Variants in PYGB observed in about 807,000 individuals in gnomAD.
PYGB encodes glycogen phosphorylase B.
A neutral mutation model predicts 94.3 loss-of-function variants in PYGB; 82 were observed. The ratio of observed to expected loss-of-function variants is 0.87; its 90% confidence interval spans 0.73 to 1.04. PYGB has a LOEUF of 1.04. Ranked by LOEUF, PYGB falls within the 50% of genes least tolerant of loss-of-function variation. PYGB has a pLI of 0.00. For missense variants in PYGB, 1,132 were observed against 1,158.2 expected (o/e 0.98, Z 0.33); for synonymous variants, 488 against 479.1 (o/e 1.02, Z -0.24).
intron 12 of PYGB, among the ~76,000 whole-genome samples, chr20:25,282,590 A>G (rs537303522): frequency 8.5e-4 from 130 of 152,382 alleles, no homozygotes; most frequent in African/African-American, 3.0e-3. Context: ...GGCTATGGTC[A>G]GGGAAGCCTT....
Position 25,288,495 on chromosome 20 carries a change from C to T in PYGB, c.1827+12C>T. 4.3e-6 allele frequency: 7 copies of T among 1,613,550 alleles called. No homozygotes were observed. The highest frequency in any genetic ancestry group is 1.3e-5 in the African/African-American group (1 of 75,020). The stretch of plus-strand genomic sequence containing the variant: ...TGATTGGGGGCAAGGTGAGTGACTT[C>T]CTCTGCAGTCCTCTCTGTGGTGTTT... On this transcript the variant is annotated intron_variant, in intron 15 of 19. Coordinates refer to ENST00000216962, the MANE Select transcript of PYGB (RefSeq NM_002862.4).
chr20:25,248,719 C>G (rs1403330691), intron 1 of PYGB, among the ~76,000 whole-genome samples: 2 of 152,272 alleles, frequency 1.3e-5, no homozygotes, highest in African/African-American at 2.4e-5. Flanking sequence ...TTCCCGGTCT[C>G]TTTCTGGCCG....
intron 2 of PYGB, among the ~76,000 whole-genome samples, chr20:25,259,994 C>T (rs1031274810): frequency 3.3e-5 from 5 of 152,088 alleles, no homozygotes; most frequent in African/African-American, 7.2e-5. Context: ...GCCCTGCCAC[C>T]GCCTTTGCTT....
intron 1 of PYGB, among the ~76,000 whole-genome samples, chr20:25,258,718 T>C (rs2092907483): frequency 6.6e-6 from 1 of 152,270 alleles, no homozygotes; most frequent in African/African-American, 2.4e-5. Flanking sequence ...AAGAGACTTC[T>C]GCTGGGGAAC....
At chr20:25,273,522 G>C (rs1282950219) in intron 4 of PYGB, among the ~76,000 whole-genome samples, 1 of 152,254 alleles carries the variant, frequency 6.6e-6, no homozygotes, top group Non-Finnish European at 1.5e-5. Flanking sequence ...TCTCATTTCA[G>C]TTTTAGTAAT....
At chr20:25,270,695 A>G (rs752202133) in intron 3 of PYGB, among the ~76,000 whole-genome samples, 8 of 152,080 alleles carry the variant, frequency 5.3e-5, no homozygotes, top group African/African-American at 1.9e-4. Context: ...GGGTCTCACT[A>G]TGTTGCCCAG....
At chr20:25,262,001 G>A (rs2092914643) in intron 2 of PYGB, among the ~76,000 whole-genome samples, 1 of 152,192 alleles carries the variant, frequency 6.6e-6, no homozygotes, top group Non-Finnish European at 1.5e-5. Context: ...ATCTACGGCT[G>A]ATTGATGTAT....
At chr20:25,248,515 G>C (rs1307173564) in intron 1 of PYGB, 94 bp downstream of exon 1, 8 of 1,242,718 alleles carry the variant, frequency 6.4e-6, no homozygotes, top group Non-Finnish European at 8.1e-6. Context: ...GCGGCCCGTC[G>C]GGCGTTACCT....
At chr20:25,295,214 T>C (rs1414167410) in intron 18 of PYGB, among the ~76,000 whole-genome samples, 2 of 152,236 alleles carry the variant, frequency 1.3e-5, no homozygotes, top group African/African-American at 4.8e-5. Flanking sequence ...AGACGGCAAA[T>C]GGAGATGCCG....
At chr20:25,292,360 C>G (rs372210303) in intron 16 of PYGB, 46 bp from the exon 17 acceptor site, 2 of 1,598,846 alleles carry the variant, frequency 1.3e-6, no homozygotes, top group African/African-American at 2.7e-5. Context: ...CGGCTGAGGA[C>G]ATTGGGGTCC....
intron 15 of PYGB, chr20:25,289,705 G>A: frequency 2.6e-6 from 1 of 386,200 alleles, no homozygotes; most frequent in Admixed American, 3.5e-5. Context: ...AGGAAGAATT[G>A]TAGCAAAACC....
At position 25,292,594 on chromosome 20, in the gene PYGB, G is replaced by A. The variant is rs775297203; in HGVS notation, c.2158G>A (p.Glu720Lys). 1.6e-5 allele frequency: 26 copies of A among 1,612,036 alleles called. No individual in the cohort carries two copies. Among genetic ancestry groups the A allele is most frequent in the African/African-American group, 1.5e-4 (11 of 74,946 alleles). ...FIFGLRVEDVEALDRKGYNAR... is the reference protein window; with the variant it reads ...FIFGLRVEDVKALDRKGYNAR... ...CTTCGGCCTGCGGGTGGAGGATGTC[G>A]AGGCCTTGGACCGGAAAGGGTGCGA... The change falls in exon 17 of 20, where the codon GAG (glutamate) becomes AAG (lysine). Residue 720 changes from glutamate to lysine, a missense_variant. By Grantham distance (56) the Glu-to-Lys change is moderately conservative. Transcript: ENST00000216962.
chr20:25,266,752 A>G (rs577453047), intron 2 of PYGB, among the ~76,000 whole-genome samples: 1 of 152,368 alleles, frequency 6.6e-6, no homozygotes, highest in South Asian at 2.1e-4. Flanking sequence ...ACATAGCACA[A>G]AAAGATGCTA....
intron 2 of PYGB, among the ~76,000 whole-genome samples, chr20:25,266,003 C>T (rs537882966): frequency 2.0e-5 from 3 of 152,054 alleles, no homozygotes; most frequent in African/African-American, 7.2e-5. Flanking sequence ...TGTCTTTTTA[C>T]TGTGTTGATA....
rs2145907213 is a variant in PYGB, at chr20:25,296,616, T to A, written c.*94T>A. ...CAAACACTTTGCCAGCCACTGGTGG[T>A]CCCTGCTTTTCTGAGTACCATGTTT... On this transcript the variant is annotated 3_prime_UTR_variant, in exon 20 of 20. Transcript: ENST00000216962. 2 of 1,454,712 alleles carry A rather than the reference T, an allele frequency of 1.4e-6. No homozygotes were observed. Among genetic ancestry groups the A allele is most frequent in the East Asian group, 4.7e-5 (2 of 42,758 alleles). The allele number at this position is 1,454,712 out of a possible 1,614,324, so 90.1% of individuals were successfully genotyped here. A position where few individuals can be genotyped will look rare whatever the true frequency, so the allele number is the denominator to read the frequency against.
chr20:25,257,180 A>G (rs2092904355), intron 1 of PYGB, among the ~76,000 whole-genome samples: 1 of 152,366 alleles, frequency 6.6e-6, no homozygotes, highest in African/African-American at 2.4e-5. Context: ...AAATAGACAC[A>G]TCTCAGCAAA....
intron 19 of PYGB, 96 bp from the exon 20 acceptor site, chr20:25,296,274 C>T (rs1354237241): frequency 1.4e-6 from 2 of 1,474,318 alleles, no homozygotes; most frequent in African/African-American, 2.8e-5. Context: ...AGGCTCGGAG[C>T]TCATTTGGAA....
chr20:25,264,596 TG>T (rs2092920588), intron 2 of PYGB, among the ~76,000 whole-genome samples: 1 of 152,170 alleles, frequency 6.6e-6, no homozygotes, highest in African/African-American at 2.4e-5. Flanking sequence ...ACAAAATCAA[TG>T]TGCAAAAATC....
chr20:25,281,125 C>CTT lies in PYGB; in HGVS notation c.1403+14_1403+15dup. On this transcript the variant is annotated intron_variant, in intron 11 of 19. Coordinates refer to ENST00000216962, the MANE Select transcript of PYGB (RefSeq NM_002862.4). ...TGAAACAGTCGGTGTGAGTGGGGCGCTTGCCCGAGCGGGGCCAGCTCTGTC... is the reference window on the plus strand; with the variant it reads ...TGAAACAGTCGGTGTGAGTGGGGCGCTTTTGCCCGAGCGGGGCCAGCTCTGTC... 1 of 1,613,656 alleles carries CTT rather than the reference C, an allele frequency of 6.2e-7. No individual in the cohort carries two copies. The highest frequency in any genetic ancestry group is 8.5e-7 in the Non-Finnish European group (1 of 1,179,696).
Sources: allele counts gnomAD v4.1 joint callset (sites outside exome capture counted in the v4.1 genomes callset), GRCh38; gene constraint gnomAD v4.1.1; transcripts MANE v1.5; gene names NCBI Gene and HGNC (gene_info 2026-07-23, HGNC 2026-07-21).